The following MDGA2 variants were observed in gnomAD, a reference collection of about 807,000 sequenced individuals.
The protein encoded by MDGA2 is MAM domain containing glycosylphosphatidylinositol anchor 2, also known as MAM domain-containing glycosylphosphatidylinositol anchor protein 2.
MDGA2 carries 40 observed loss-of-function variants against 117.8 expected under a neutral mutation model. The observed-to-expected ratio is 0.34, with a 90% CI of 0.26 to 0.44. The LOEUF (loss-of-function observed/expected upper bound fraction) is 0.44. MDGA2 is among the 20% of genes least tolerant of loss of function. The probability of loss-of-function intolerance (pLI) is 1.00; values close to 1 mark genes in which losing one functional copy is unlikely to be tolerated. For missense variants in MDGA2, 1,123 were observed against 1,250.6 expected, an observed-to-expected ratio of 0.90 and a Z score of 1.54; for synonymous variants, 452 against 439.0, an observed-to-expected ratio of 1.03 and a Z score of -0.37.
intron 7 of MDGA2, among the ~76,000 whole-genome samples, chr14:47,056,003 A>G (rs779384542): frequency 2.0e-5 from 3 of 152,144 alleles, no homozygotes; most frequent in African/African-American, 7.2e-5. Context: ...TGCTAATTAC[A>G]TAACTTTTGA....
intron 9 of MDGA2, among the ~76,000 whole-genome samples, chr14:46,946,984 T>C (rs1885192026): frequency 6.6e-6 from 1 of 152,112 alleles, no homozygotes; most frequent in African/African-American, 2.4e-5. Context: ...ATGAATAAAA[T>C]ATTTTAAACA....
chr14:47,246,183 AT>A (rs1335664908), intron 2 of MDGA2, among the ~76,000 whole-genome samples: 1 of 151,844 alleles, frequency 6.6e-6, no homozygotes, highest in Non-Finnish European at 1.5e-5. Context: ...CTATCCATGT[AT>A]TTTACAAATA....
chr14:47,556,759 C>G (rs1895690368), intron 1 of MDGA2, among the ~76,000 whole-genome samples: 1 of 152,172 alleles, frequency 6.6e-6, no homozygotes, highest in Non-Finnish European at 1.5e-5. Context: ...TATTATAGCT[C>G]TATGGCACTT....
chr14:47,665,246 C>G (rs900129947), intron 1 of MDGA2, among the ~76,000 whole-genome samples: 1 of 152,048 alleles, frequency 6.6e-6, no homozygotes, highest in Non-Finnish European at 1.5e-5. Context: ...AAATGTAATT[C>G]CTCTCTCTTC....
At chr14:47,178,484 C>T (rs759752067) in intron 3 of MDGA2, among the ~76,000 whole-genome samples, 3 of 151,948 alleles carry the variant, frequency 2.0e-5, no homozygotes, top group Non-Finnish European at 2.9e-5. Context: ...TACAAAATAC[C>T]TTTTTTCCAG....
intron 2 of MDGA2, among the ~76,000 whole-genome samples, chr14:47,298,250 C>A (rs563740649): frequency 1.3e-5 from 2 of 152,268 alleles, no homozygotes; most frequent in South Asian, 4.1e-4. Flanking sequence ...TTAACCATTG[C>A]ATCGTACTGA....
chr14:46,855,039 T>A lies in MDGA2; in HGVS notation c.2868A>T (p.Pro956=). The change falls in exon 15 of 17, where the codon CCA becomes CCT. Residue 956 remains proline, a synonymous_variant. Coordinates refer to ENST00000399232, the MANE Select transcript of MDGA2 (RefSeq NM_001113498.3). The surrounding 1 kb of genome is among the most constrained non-coding windows in gnomAD (Gnocchi z 4.1). ...RWNEAHVNIY[P]ITSFQLIFEG... The stretch of plus-strand genomic sequence containing the variant: ...CTTTTCTTACCTGAAATGAAGTAAT[T>A]GGGTATATATTAACATGAGCCTCAT... 2 of 1,600,166 alleles carry A rather than the reference T, an allele frequency of 1.2e-6. No individual in the cohort carries two copies. Among genetic ancestry groups the A allele is most frequent in the South Asian group, 1.1e-5 (1 of 87,826 alleles).
chr14:47,248,258 T>C (rs903217109), intron 2 of MDGA2, among the ~76,000 whole-genome samples: 2 of 147,312 alleles, frequency 1.4e-5, no homozygotes, highest in East Asian at 3.9e-4. Flanking sequence ...AGTAGGAGAG[T>C]AAAAAGGATG....
chr14:47,449,307 T>C (rs1428972811), intron 1 of MDGA2, among the ~76,000 whole-genome samples: 1 of 152,116 alleles, frequency 6.6e-6, no homozygotes, highest in South Asian at 2.1e-4. Flanking sequence ...GAGTTGCTTA[T>C]GGGTCTCAAG....
intron 2 of MDGA2, among the ~76,000 whole-genome samples, chr14:47,237,135 A>T (rs1886888977): frequency 6.6e-6 from 1 of 152,190 alleles, no homozygotes; most frequent in South Asian, 2.1e-4. Flanking sequence ...ATAATGCCAG[A>T]GAATCTAGTG....
At chr14:47,220,729 C>T (rs1028287167) in intron 2 of MDGA2, among the ~76,000 whole-genome samples, 2 of 152,060 alleles carry the variant, frequency 1.3e-5, no homozygotes, top group East Asian at 3.8e-4. Context: ...AATTGATTTT[C>T]CTGGAGTGGT....
At position 47,026,920 on chromosome 14, in the gene MDGA2, C is replaced by T. The variant is rs373456029; in HGVS notation, c.1819+8091G>A. Among the ~76,000 whole-genome samples the T allele has an allele frequency of 3.8e-4, 58 of 151,920 alleles. No individual in the cohort carries two copies. The South Asian group carries it at 0.011, about 28-fold the overall frequency. ...GGCGTAGTGGTTCACACCTTCAATC[C>T]CAGCACTTGGGAAAGCTGAGATGGG... On this transcript the variant is annotated intron_variant, in intron 8 of 16. Coordinates refer to ENST00000399232, the MANE Select transcript of MDGA2 (RefSeq NM_001113498.3).
At position 46,943,935 on chromosome 14, in the gene MDGA2, T is replaced by TGTG. The variant is rs1566538082; in HGVS notation, c.2089+13438_2089+13439insCAC. Among the ~76,000 whole-genome samples, 4 of 152,170 alleles carry TGTG rather than the reference T, an allele frequency of 2.6e-5. No individual in the cohort carries two copies. In the East Asian group the frequency reaches 7.7e-4, roughly 29 times the overall value. On this transcript the variant is annotated intron_variant, in intron 9 of 16. Transcript: ENST00000399232. The stretch of plus-strand genomic sequence containing the variant: ...AAAGGTGTGTTCCAATTAAACTTCA[T>TGTG]TTACAAAAAACAGTTTGCTGACCTC...
At chr14:47,637,201 A>G (rs1897339056) in intron 1 of MDGA2, among the ~76,000 whole-genome samples, 1 of 152,166 alleles carries the variant, frequency 6.6e-6, no homozygotes, top group South Asian at 2.1e-4. Flanking sequence ...TATGAAGTGG[A>G]ATGAGTTGAC....
At position 47,231,599 on chromosome 14, in the gene MDGA2, T is replaced by C. The variant is rs1052295623; in HGVS notation, c.421-13404A>G. 8.5e-5 allele frequency among the ~76,000 whole-genome samples: 13 copies of C among 152,156 alleles called. No homozygotes were observed. The East Asian group carries it at 1.9e-3, about 23-fold the overall frequency. On this transcript the variant is annotated intron_variant, in intron 2 of 16. Coordinates refer to ENST00000399232, the MANE Select transcript of MDGA2 (RefSeq NM_001113498.3). The stretch of plus-strand genomic sequence containing the variant: ...CCATTGTAAAGTTTCCTATACATAT[T>C]ATATTTCTACCAGATTTTTTTTCCT...
At chr14:47,568,305 T>C (rs1895956458) in intron 1 of MDGA2, among the ~76,000 whole-genome samples, 1 of 152,246 alleles carries the variant, frequency 6.6e-6, no homozygotes, top group Non-Finnish European at 1.5e-5. Context: ...GCAGTCATTC[T>C]TTTAATATAA....
intron 2 of MDGA2, among the ~76,000 whole-genome samples, chr14:47,254,139 G>T (rs1327134107): frequency 1.3e-5 from 2 of 152,174 alleles, no homozygotes; most frequent in Non-Finnish European, 2.9e-5. Flanking sequence ...TGTGATGGGA[G>T]AGGCTGCCAT....
At chr14:47,219,876 G>A (rs574847190) in intron 2 of MDGA2, among the ~76,000 whole-genome samples, 11 of 152,158 alleles carry the variant, frequency 7.2e-5, no homozygotes, top group Non-Finnish European at 1.5e-4. Flanking sequence ...ATTACACAAG[G>A]AAACATACAA....
chr14:47,462,268 CG>C (rs1347904723), intron 1 of MDGA2, among the ~76,000 whole-genome samples: 1 of 133,580 alleles, frequency 7.5e-6, no homozygotes, highest in Admixed American at 8.1e-5. Context: ...CCCAGGGACT[CG>C]GGAGGCTGAG....
Sources: allele counts gnomAD v4.1 joint callset (sites outside exome capture counted in the v4.1 genomes callset), GRCh38; gene constraint gnomAD v4.1.1; non-coding constraint Gnocchi (gnomAD v3.1); transcripts MANE v1.5; gene names NCBI Gene and HGNC (gene_info 2026-07-23, HGNC 2026-07-21).